Variants in KCNK12 observed in about 807,000 individuals in gnomAD.
The protein encoded by KCNK12 is potassium two pore domain channel subfamily K member 12, also known as potassium channel subfamily K member 12.
In KCNK12, 6 loss-of-function variants were observed where a neutral mutation model predicts 25.3. The ratio of observed to expected loss-of-function variants is 0.24; its 90% CI spans 0.13 to 0.47. KCNK12 has a LOEUF of 0.47. Among genes scored for constraint, KCNK12 ranks in the 20% least tolerant of loss-of-function variants. The probability of loss-of-function intolerance (pLI) is 0.99; values close to 1 mark genes in which losing one functional copy is unlikely to be tolerated. For missense variants in KCNK12, 444 were observed against 661.7 expected, an observed-to-expected ratio of 0.67 and a Z score of 3.61; for synonymous variants, 331 against 311.1, an observed-to-expected ratio of 1.06 and a Z score of -0.67.
intron 1 of KCNK12, among the ~76,000 whole-genome samples, chr2:47,524,802 C>T (rs964805586): frequency 1.3e-5 from 2 of 152,026 alleles, no homozygotes; most frequent in African/African-American, 4.8e-5. Context: ...CTCAGATACC[C>T]AATTCTGACG....
rs141956526 is a variant in KCNK12 at position 47,555,239 on chromosome 2, C to T, written c.391+14702G>A. Among the ~76,000 whole-genome samples, 896 of 152,258 alleles carry T rather than the reference C, an allele frequency of 5.9e-3. 9 individuals carry two copies. Among genetic ancestry groups the T allele is most frequent in the African/African-American group, 0.021 (852 of 41,542 alleles). On this transcript the variant is annotated intron_variant, in intron 1 of 1. Transcript: ENST00000327876. The surrounding 1 kb of genome is among the most constrained non-coding windows in gnomAD (Gnocchi z 4.5). ...GGGTGTGAGGGGGATCAGAGTATGC[C>T]ATCCCCAAATATGTCACTTTAGCAC...
At position 47,569,697 on chromosome 2, in the gene KCNK12, A is replaced by G. The variant is rs1669849029; in HGVS notation, c.391+244T>C. 6.6e-6 allele frequency among the ~76,000 whole-genome samples: 1 copy of G among 152,322 alleles called. No individual in the cohort carries two copies. Among genetic ancestry groups the G allele is most frequent in the Non-Finnish European group, 1.5e-5 (1 of 68,034 alleles). On this transcript the variant is annotated intron_variant, in intron 1 of 1. Coordinates refer to ENST00000327876, the MANE Select transcript of KCNK12 (RefSeq NM_022055.2). This position sits in a 1 kb window ranked among gnomAD's most constrained non-coding sequence, Gnocchi z 4.1. ...CAAAGGTCAGATCACAGAGCCGGCC[A>G]GTGTTGGAGCACAGGCGGCCCGGGG... is the stretch of plus-strand genomic sequence containing the variant.
chr2:47,550,218 T>C (rs1327591268), intron 1 of KCNK12, among the ~76,000 whole-genome samples: 2 of 151,792 alleles, frequency 1.3e-5, no homozygotes, highest in East Asian at 3.9e-4. Context: ...TTTGAGAAAA[T>C]TTATAAACAC....
At position 47,533,137 on chromosome 2, in the gene KCNK12, A is replaced by G. The variant is rs376539914; in HGVS notation, c.392-11329T>C. On this transcript the variant is annotated intron_variant, in intron 1 of 1. Transcript: ENST00000327876. The surrounding 1 kb of genome is among the most constrained non-coding windows in gnomAD (Gnocchi z 4.7). The stretch of plus-strand genomic sequence containing the variant: ...GCCATTCTCCTGCCACAGCCTCCCA[A>G]GTAGCTGGGACTACAGGTGCGTGCC... Among the ~76,000 whole-genome samples, 87 of 152,224 alleles carry G rather than the reference A, an allele frequency of 5.7e-4. No homozygotes were observed. Among genetic ancestry groups the G allele is most frequent in the African/African-American group, 2.0e-3 (84 of 41,538 alleles).
intron 1 of KCNK12, among the ~76,000 whole-genome samples, chr2:47,549,985 T>A (rs1014380680): frequency 6.8e-6 from 1 of 147,988 alleles, no homozygotes; most frequent in Non-Finnish European, 1.5e-5. Flanking sequence ...ATTCACTGAA[T>A]AGAGTTAACA....
chr2:47,510,355 A>G lies in KCNK12; in HGVS notation c.*10552T>C, dbSNP rs1372500192. ...AAATAAACCTTGATTTTTATTCCTT[A>G]AAACTACCCTTCAATGGGTTTTCTG... On this transcript the variant is annotated 3_prime_UTR_variant, in exon 2 of 2. Coordinates refer to ENST00000327876, the MANE Select transcript of KCNK12 (RefSeq NM_022055.2). The G allele has an allele frequency of 2.0e-5, 3 of 152,234 alleles. No individual in the cohort carries two copies. The highest frequency in any genetic ancestry group is 2.9e-5 in the Non-Finnish European group (2 of 68,048). 9.4% of individuals were successfully genotyped at this position (152,234 alleles called of 1,614,324 possible).
rs1669025098 is a variant in KCNK12, at chr2:47,534,794, G to A, written c.392-12986C>T. Reference sequence around the variant, plus strand: ...GGGAGACAGACCAGCCAGGCGTGAGGTGACAGACCAGCGGGCAGCTCAGAG... The same window carrying A: ...GGGAGACAGACCAGCCAGGCGTGAGATGACAGACCAGCGGGCAGCTCAGAG... On this transcript the variant is annotated intron_variant, in intron 1 of 1. Transcript: ENST00000327876. 1.7e-5 allele frequency: 3 copies of A among 179,136 alleles called. No individual in the cohort carries two copies. The East Asian group carries it at 2.8e-4, about 16-fold the overall frequency. The allele number at this position is 179,136 out of a possible 1,614,324, so 11.1% of individuals were successfully genotyped here. A position where few individuals can be genotyped will look rare whatever the true frequency, so the allele number is the denominator to read the frequency against.
At chr2:47,559,520 G>T (rs72812343) in intron 1 of KCNK12, among the ~76,000 whole-genome samples, 1 of 152,354 alleles carries the variant, frequency 6.6e-6, no homozygotes, top group Non-Finnish European at 1.5e-5. Context: ...ATGATTGACA[G>T]AAATTACCTC....
At chr2:47,530,150 CA>C (rs1193706596) in intron 1 of KCNK12, among the ~76,000 whole-genome samples, 1 of 152,178 alleles carries the variant, frequency 6.6e-6, no homozygotes, top group Non-Finnish European at 1.5e-5. Context: ...GGCCAGCGGC[CA>C]GGCCTCCCCA....
rs755844784 is a variant in KCNK12, at chr2:47,540,030, A to C, written c.392-18222T>G. On this transcript the variant is annotated intron_variant, in intron 1 of 1. Transcript: ENST00000327876. The surrounding 1 kb of genome is among the most constrained non-coding windows in gnomAD (Gnocchi z 5.4). ...TGTGCCTCAGTTTCCCCATCTATCA[A>C]GTAGACAGCACTGCCTTACAGATGG... is the stretch of plus-strand genomic sequence containing the variant. 9.9e-5 allele frequency among the ~76,000 whole-genome samples: 15 copies of C among 152,210 alleles called. No individual in the cohort carries two copies. The highest frequency in any genetic ancestry group is 1.8e-4 in the Non-Finnish European group (12 of 68,036).
chr2:47,563,878 T>C (rs902631421), intron 1 of KCNK12: 4 of 232,520 alleles, frequency 1.7e-5, no homozygotes, highest in African/African-American at 6.6e-5. Flanking sequence ...TAGTCAAGAC[T>C]GAGTGGAAAT....
chr2:47,532,240 C>A (rs1573633348), intron 1 of KCNK12, among the ~76,000 whole-genome samples: 1 of 139,866 alleles, frequency 7.1e-6, no homozygotes, highest in African/African-American at 2.8e-5. Context: ...AAAAAAAAAA[C>A]CCTGGGGAGC....
Position 47,556,933 on chromosome 2 carries a change from T to C in KCNK12, c.391+13008A>G, listed in dbSNP as rs763502233. 3.3e-5 allele frequency among the ~76,000 whole-genome samples: 5 copies of C among 152,142 alleles called. No individual in the cohort carries two copies. The highest frequency in any genetic ancestry group is 5.9e-5 in the Non-Finnish European group (4 of 68,032). On this transcript the variant is annotated intron_variant, in intron 1 of 1. Coordinates refer to ENST00000327876, the MANE Select transcript of KCNK12 (RefSeq NM_022055.2). The surrounding 1 kb of genome is among the most constrained non-coding windows in gnomAD (Gnocchi z 4.8). ...TAGTAATAGCAAGGACATACATAGA[T>C]AGAACCAAATGACCTGCTGGGGTGG... is the stretch of plus-strand genomic sequence containing the variant.
At chr2:47,531,195 G>A (rs1442763114) in intron 1 of KCNK12, among the ~76,000 whole-genome samples, 1 of 152,158 alleles carries the variant, frequency 6.6e-6, no homozygotes, top group Non-Finnish European at 1.5e-5. Context: ...GGGTGGGGCC[G>A]GGCACGGTGG....
At chr2:47,523,884 T>C (rs1668713582) in intron 1 of KCNK12, among the ~76,000 whole-genome samples, 1 of 152,256 alleles carries the variant, frequency 6.6e-6, no homozygotes, top group African/African-American at 2.4e-5. Flanking sequence ...GGGCCAGCCC[T>C]GGGAAAGTGG....
intron 1 of KCNK12, among the ~76,000 whole-genome samples, chr2:47,546,560 G>A (rs2104832604): frequency 6.6e-6 from 1 of 152,284 alleles, no homozygotes; most frequent in East Asian, 1.9e-4. Flanking sequence ...GGGAGGCTGA[G>A]GTGGGAGGAT....
chr2:47,561,274 A>C (rs1669664153), intron 1 of KCNK12, among the ~76,000 whole-genome samples: 1 of 152,180 alleles, frequency 6.6e-6, no homozygotes, highest in South Asian at 2.1e-4. Flanking sequence ...CACTGGTCTA[A>C]CTCACCACTC....
chr2:47,563,381 A>T (rs1286929653), intron 1 of KCNK12: 1 of 233,248 alleles, frequency 4.3e-6, no homozygotes, highest in Non-Finnish European at 8.5e-6. Context: ...TTTGTGTGAG[A>T]ATTATGTGTG....
rs1268574229 is a variant in KCNK12, at chr2:47,511,884, G to A, written c.*9023C>T. Among the ~76,000 whole-genome samples, 2 of 152,186 alleles carry A rather than the reference G, an allele frequency of 1.3e-5. No individual in the cohort carries two copies. Among genetic ancestry groups the A allele is most frequent in the East Asian group, 3.8e-4 (2 of 5,200 alleles). On this transcript the variant is annotated 3_prime_UTR_variant, in exon 2 of 2. Transcript: ENST00000327876. The surrounding 1 kb of genome is among the most constrained non-coding windows in gnomAD (Gnocchi z 4.3). ...TGTGGCTATTGAACACTTGAAATGGGGTTAGTGCAATTGACGAGCTGAAAA... is the reference window on the plus strand; with the variant it reads ...TGTGGCTATTGAACACTTGAAATGGAGTTAGTGCAATTGACGAGCTGAAAA...
Sources: allele counts gnomAD v4.1 joint callset (sites outside exome capture counted in the v4.1 genomes callset), GRCh38; gene constraint gnomAD v4.1.1; non-coding constraint Gnocchi (gnomAD v3.1); transcripts MANE v1.5; gene names NCBI Gene and HGNC (gene_info 2026-07-23, HGNC 2026-07-21).